The following ABL2 variants were observed in gnomAD, a reference collection of about 807,000 sequenced individuals.
The protein encoded by ABL2 is tyrosine-protein kinase ABL2.
In ABL2, 49 loss-of-function variants were observed where a neutral mutation model predicts 107.7. The observed-to-expected ratio is 0.45, with a 90% CI of 0.36 to 0.58. ABL2 has a LOEUF of 0.58. Among genes scored for constraint, ABL2 ranks in the 20% least tolerant of loss-of-function variants. The pLI is 0.00. For missense variants in ABL2, 1,245 were observed against 1,457.0 expected, an observed-to-expected ratio of 0.85 and a Z score of 2.37; for synonymous variants, 549 against 548.6, an observed-to-expected ratio of 1.00 and a Z score of -0.01.
At chr1:179,193,802 G>A (rs1186552145) in intron 1 of ABL2, among the ~76,000 whole-genome samples, 1 of 152,112 alleles carries the variant, frequency 6.6e-6, no homozygotes. Flanking sequence ...CGCGATCTCG[G>A]CTCACTGCAA....
intron 1 of ABL2, among the ~76,000 whole-genome samples, chr1:179,145,741 G>C (rs548211894): frequency 6.6e-6 from 1 of 152,152 alleles, no homozygotes; most frequent in Non-Finnish European, 1.5e-5. Context: ...AAGAAGTGTG[G>C]CTACTGTTAC....
chr1:179,124,196 G>T lies in ABL2; in HGVS notation c.687+2181C>A, dbSNP rs182423607. Among the ~76,000 whole-genome samples the T allele has an allele frequency of 6.5e-3, 976 of 150,908 alleles. 17 individuals are homozygous for T. The highest frequency in any genetic ancestry group is 0.023 in the African/African-American group (945 of 41,122). On this transcript the variant is annotated intron_variant, in intron 4 of 11. Coordinates refer to ENST00000502732, the MANE Select transcript of ABL2 (RefSeq NM_007314.4). The stretch of plus-strand genomic sequence containing the variant: ...GCGGAACTTGCAGTAAGCCGAGATC[G>T]CGCCACTGCACTCCAGCCGGGGCGA...
At chr1:179,204,801 C>A (rs1661863485) in intron 1 of ABL2, among the ~76,000 whole-genome samples, 2 of 152,006 alleles carry the variant, frequency 1.3e-5, no homozygotes, top group South Asian at 4.1e-4. Context: ...TTTAGACCAA[C>A]TGATAACTTA....
Position 179,109,315 on chromosome 1 carries a change from C to T in ABL2, c.1952G>A (p.Gly651Asp). 2 of 1,614,042 alleles carry T rather than the reference C, an allele frequency of 1.2e-6. No homozygotes were observed. The highest frequency in any genetic ancestry group is 1.7e-6 in the Non-Finnish European group (2 of 1,179,990). Residue 651 changes from glycine to aspartate, a missense_variant, in exon 12 of 12, where the codon GGC becomes GAC. Physicochemically the swap from Gly to Asp is moderately conservative, Grantham distance 94. Coordinates refer to ENST00000502732, the MANE Select transcript of ABL2 (RefSeq NM_007314.4). Reference sequence around the variant, plus strand: ...CTTCTTCATGAAGGAGCTGAAGAAGCCCCCCTTCCTATCCCTGGTGAAGCA... The same window carrying T: ...CTTCTTCATGAAGGAGCTGAAGAAGTCCCCCTTCCTATCCCTGGTGAAGCA... ...ETCFTRDRKGGFFSSFMKKRN... is the reference protein window; with the variant it reads ...ETCFTRDRKGDFFSSFMKKRN...
chr1:179,121,915 ATTTTTTTTTTTTTT>A lies in ABL2; in HGVS notation c.688-62_688-49del, dbSNP rs71108094. 2.4e-5 allele frequency: 17 copies of A among 694,326 alleles called. 1 individual carries two copies. The highest frequency in any genetic ancestry group is 1.0e-4 in the Admixed American group (2 of 19,700). 43.0% of individuals were successfully genotyped at this position (694,326 alleles called of 1,614,324 possible). A position where few individuals can be genotyped will look rare whatever the true frequency, so the allele number is the denominator to read the frequency against. On this transcript the variant is annotated intron_variant, in intron 4 of 11. Coordinates refer to ENST00000502732, the MANE Select transcript of ABL2 (RefSeq NM_007314.4). ...TAAACAACTTGAAAAGAGATTAAGAATTTTTTTTTTTTTTTTTTTTTTTTTTTTGAGATGGAGTC... is the reference window on the plus strand; with the variant it reads ...TAAACAACTTGAAAAGAGATTAAGAATTTTTTTTTTTTTTGAGATGGAGTC...
intron 1 of ABL2, among the ~76,000 whole-genome samples, chr1:179,135,258 C>G (rs189930220): frequency 0.023 from 3,498 of 151,816 alleles, 123 homozygotes; most frequent in African/African-American, 0.08. Flanking sequence ...CATCTCTGCC[C>G]GGGCCGCCAT....
At chr1:179,133,400 T>C in intron 1 of ABL2, 26 bp from the exon 2 acceptor site, 2 of 1,614,090 alleles carry the variant, frequency 1.2e-6, no homozygotes, top group Non-Finnish European at 1.7e-6. Context: ...ATTGACCACG[T>C]CACTTTTCTT....
intron 1 of ABL2, among the ~76,000 whole-genome samples, chr1:179,178,599 A>G (rs1660192916): frequency 6.6e-6 from 1 of 151,828 alleles, no homozygotes; most frequent in African/African-American, 2.4e-5. Context: ...TTTAAAAAGT[A>G]AGAACATCGG....
intron 1 of ABL2, among the ~76,000 whole-genome samples, chr1:179,192,215 T>C (rs1225786283): frequency 6.6e-6 from 1 of 152,168 alleles, no homozygotes; most frequent in Non-Finnish European, 1.5e-5. Context: ...CAAAGGTAGA[T>C]ATGGCTGGCA....
Position 179,108,699 on chromosome 1 carries a change from T to C in ABL2, c.2568A>G (p.Gly856=), listed in dbSNP as rs1358865148. ...GTGTTCTGAGAGGAAGAGCTGTGGC[T>C]CCTCTGGGCAATAACTTGGCTTTTG... The part of the protein sequence containing the change: ...ERPKAKLLPR[G]ATALPLRTPS... The change falls in exon 12 of 12, where the codon GGA becomes GGG. Residue 856 remains glycine (G), a synonymous_variant. Transcript: ENST00000502732. 6.2e-6 allele frequency: 10 copies of C among 1,614,048 alleles called. No homozygotes were observed. In the Middle Eastern group the frequency reaches 6.6e-4, roughly 106 times the overall value.
rs1451862059 is a variant in ABL2, at chr1:179,229,655, A to ACCG, written c.-261_-259dup. ...CAACGCCGCCGCCGCCGCCGCCGCC[A>ACCG]CCGCCGCCGCCATCTTTAAACCACC... On this transcript the variant is annotated 5_prime_UTR_variant, in exon 1 of 12. Coordinates refer to ENST00000502732, the MANE Select transcript of ABL2 (RefSeq NM_007314.4). 2.2e-4 allele frequency: 80 copies of ACCG among 363,804 alleles called. No individual in the cohort carries two copies. Among genetic ancestry groups the ACCG allele is most frequent in the Admixed American group, 2.1e-3 (29 of 13,628 alleles). 22.5% of individuals were successfully genotyped at this position (363,804 alleles called of 1,614,324 possible). A position where few individuals can be genotyped will look rare whatever the true frequency, so the allele number is the denominator to read the frequency against.
chr1:179,196,195 A>G (rs2102831803), intron 1 of ABL2, among the ~76,000 whole-genome samples: 1 of 152,328 alleles, frequency 6.6e-6, no homozygotes, highest in African/African-American at 2.4e-5. Flanking sequence ...CTTTCTGCAC[A>G]ACTGAGATGT....
rs1012160116 is a variant in ABL2, at chr1:179,105,587, T to C, written c.*2131A>G. 3 of 228,342 alleles carry C rather than the reference T, an allele frequency of 1.3e-5. No individual in the cohort carries two copies. Among genetic ancestry groups the C allele is most frequent in the Non-Finnish European group, 1.7e-5 (2 of 115,114 alleles). The allele number at this position is 228,342 out of a possible 1,614,324, so 14.1% of individuals were successfully genotyped here. ...ACTAGGAGGAGATGAACCCAATCAC[T>C]AGCTGCCTGTGCTGCAACTGCAGGT... On this transcript the variant is annotated 3_prime_UTR_variant, in exon 12 of 12. Coordinates refer to ENST00000502732, the MANE Select transcript of ABL2 (RefSeq NM_007314.4).
intron 1 of ABL2, among the ~76,000 whole-genome samples, chr1:179,134,104 T>C (rs898007715): frequency 3.3e-5 from 5 of 152,342 alleles, no homozygotes; most frequent in African/African-American, 1.2e-4. Context: ...ACATGTTCCT[T>C]GTATCTGGAA....
Position 179,108,161 on chromosome 1 carries a change from C to G in ABL2, c.3106G>C (p.Ala1036Pro). ...ALGAVPISGK[A>P]GRPVMPPPQV... Reference sequence around the variant, plus strand: ...GGTGGAGGCATCACTGGCCTCCCAGCTTTCCCACTGATGGGCACTGCGCCC... The same window carrying G: ...GGTGGAGGCATCACTGGCCTCCCAGGTTTCCCACTGATGGGCACTGCGCCC... Residue 1036 changes from alanine (A) to proline (P), a missense_variant, in exon 12 of 12, where the codon GCT becomes CCT. By Grantham distance (27) the Ala-to-Pro change is conservative. Around this residue, in one of 3 missense-constraint regions of ABL2, gnomAD observed 761 missense variants for 766.4 expected, o/e 0.99. Transcript: ENST00000502732. 1 of 1,614,242 alleles carries G rather than the reference C, an allele frequency of 6.2e-7. No homozygotes were observed. Among genetic ancestry groups the G allele is most frequent in the Non-Finnish European group, 8.5e-7 (1 of 1,180,048 alleles).
chr1:179,107,444 T>C lies in ABL2; in HGVS notation c.*274A>G. 4.4e-6 allele frequency: 2 copies of C among 449,780 alleles called. No individual in the cohort carries two copies. Among genetic ancestry groups the C allele is most frequent in the Non-Finnish European group, 7.5e-6 (2 of 265,916 alleles). 27.9% of individuals were successfully genotyped at this position (449,780 alleles called of 1,614,324 possible). A position where few individuals can be genotyped will look rare whatever the true frequency, so the allele number is the denominator to read the frequency against. ...TAGGGATGGGCTGCATTGCCTTCCT[T>C]ATGACATACACATGTTCCCTATTTT... On this transcript the variant is annotated 3_prime_UTR_variant, in exon 12 of 12. Coordinates refer to ENST00000502732, the MANE Select transcript of ABL2 (RefSeq NM_007314.4).
chr1:179,100,886 G>C lies in ABL2; in HGVS notation c.*6832C>G, dbSNP rs1337406616. 4.3e-6 allele frequency: 1 copy of C among 232,784 alleles called. No homozygotes were observed. Among genetic ancestry groups the C allele is most frequent in the East Asian group, 6.1e-5 (1 of 16,502 alleles). The allele number at this position is 232,784 out of a possible 1,614,324, so 14.4% of individuals were successfully genotyped here. A position where few individuals can be genotyped will look rare whatever the true frequency, so the allele number is the denominator to read the frequency against. The stretch of plus-strand genomic sequence containing the variant: ...CTTTGCTACTCTGCTCAGGTCAAAA[G>C]GTAAGATTTTTGTAGGAGAGGTAAA... On this transcript the variant is annotated 3_prime_UTR_variant, in exon 12 of 12. Transcript: ENST00000502732.
chr1:179,146,579 T>G (rs936681085), intron 1 of ABL2, among the ~76,000 whole-genome samples: 2 of 152,186 alleles, frequency 1.3e-5, no homozygotes, highest in African/African-American at 2.4e-5. Context: ...AAATCTCATC[T>G]TGAATTGTAA....
At chr1:179,110,691 C>T (rs1188975623) in intron 10 of ABL2, 11 of 1,586,950 alleles carry the variant, frequency 6.9e-6, no homozygotes, top group Admixed American at 5.1e-5. Flanking sequence ...AGCATGCCAA[C>T]GTGTGAATAT....
Sources: allele counts gnomAD v4.1 joint callset (sites outside exome capture counted in the v4.1 genomes callset), GRCh38; gene constraint gnomAD v4.1.1; regional missense constraint gnomAD v4.1.1; transcripts MANE v1.5; gene names NCBI Gene and HGNC (gene_info 2026-07-23, HGNC 2026-07-21).